The following CUX1 variants were observed in gnomAD, a reference collection of about 807,000 sequenced individuals.
CUX1 encodes cut like homeobox 1, also known as protein CASP.
A neutral mutation model predicts 158.8 loss-of-function variants in CUX1; 31 were observed. That is an observed-to-expected ratio of 0.20 (90% CI 0.15 to 0.26). The LOEUF is 0.26. CUX1 is among the 10% of genes least tolerant of loss of function. The pLI, the probability that CUX1 is intolerant of heterozygous loss-of-function variation, is 1.00. For synonymous variants in CUX1, 879 were observed against 862.1 expected (o/e 1.02, Z -0.34); for missense variants, 1,589 against 2,014.6 (o/e 0.79, Z 4.04).
At chr7:102,051,902 T>C (rs1823554659) in intron 3 of CUX1, among the ~76,000 whole-genome samples, 1 of 152,026 alleles carries the variant, frequency 6.6e-6, no homozygotes, top group Non-Finnish European at 1.5e-5. Context: ...CAGAACATTT[T>C]CGTCAGCTCA....
At position 102,250,324 on chromosome 7, in the gene CUX1, A is replaced by G. The variant is rs1339820278; in HGVS notation, c.*1282A>G. The G allele has an allele frequency of 1.0e-6, 1 of 985,352 alleles. No homozygotes were observed. Among genetic ancestry groups the G allele is most frequent in the Non-Finnish European group, 1.2e-6 (1 of 829,994 alleles). The allele number at this position is 985,352 out of a possible 1,614,324, so 61.0% of individuals were successfully genotyped here. A position where few individuals can be genotyped will look rare whatever the true frequency, so the allele number is the denominator to read the frequency against. On this transcript the variant is annotated 3_prime_UTR_variant, in exon 24 of 24. Transcript: ENST00000292535. The stretch of plus-strand genomic sequence containing the variant: ...CCAGGGCCAGACGGGCCCATCCCCA[A>G]GTAGATAGCAGTCTACGGATCTCTC...
chr7:102,106,084 T>TC (rs1554488329), intron 6 of CUX1, among the ~76,000 whole-genome samples: 2 of 121,144 alleles, frequency 1.7e-5, no homozygotes, highest in Admixed American at 8.0e-5. Flanking sequence ...TTTTTCTTTT[T>TC]TTTTTTTTTT....
At chr7:102,043,438 T>A (rs1822364735) in intron 3 of CUX1, among the ~76,000 whole-genome samples, 1 of 150,578 alleles carries the variant, frequency 6.6e-6, no homozygotes, top group African/African-American at 2.4e-5. Flanking sequence ...TTAACTATAG[T>A]CACCATGCTG....
At chr7:102,192,984 C>T (rs189619995) in intron 12 of CUX1, among the ~76,000 whole-genome samples, 1 of 152,248 alleles carries the variant, frequency 6.6e-6, no homozygotes, top group Admixed American at 6.5e-5. Flanking sequence ...CGGCCCTTTT[C>T]AGTGCCATTG....
At chr7:101,884,878 C>T (rs1267968679) in intron 1 of CUX1, among the ~76,000 whole-genome samples, 5 of 152,084 alleles carry the variant, frequency 3.3e-5, no homozygotes, top group Non-Finnish European at 7.4e-5. Context: ...CTGGAATCCC[C>T]GGCTCCAGTT....
intron 8 of CUX1, among the ~76,000 whole-genome samples, chr7:102,155,860 C>T (rs1789692412): frequency 1.3e-5 from 2 of 152,182 alleles, no homozygotes; most frequent in South Asian, 2.1e-4. Context: ...CCCTTCCCCA[C>T]TCCCTGCACC....
At chr7:102,066,180 T>A (rs887267336) in intron 3 of CUX1, among the ~76,000 whole-genome samples, 1 of 152,174 alleles carries the variant, frequency 6.6e-6, no homozygotes. Context: ...TCCCAGCTTC[T>A]GGTGGTTTCC....
chr7:101,996,586 T>G (rs1012397486), intron 2 of CUX1, among the ~76,000 whole-genome samples: 1 of 151,822 alleles, frequency 6.6e-6, no homozygotes, highest in African/African-American at 2.4e-5. Context: ...ATTCATGATC[T>G]AAAATGCAAA....
In CUX1 at chr7:102,253,370, CTACTT is replaced by C. The variant is rs1218352846; in HGVS notation, c.*4331_*4335del. On this transcript the variant is annotated 3_prime_UTR_variant, in exon 24 of 24. Coordinates refer to ENST00000292535, the MANE Select transcript of CUX1 (RefSeq NM_181552.4). Reference sequence around the variant, plus strand: ...AGAGATCGCTGTGGGCCTCGGCTGACTACTTTAAGATTATGCCACAGCCAGGCCCT... The same window carrying C: ...AGAGATCGCTGTGGGCCTCGGCTGACTAAGATTATGCCACAGCCAGGCCCT... The C allele has an allele frequency of 2.0e-6, 2 of 985,360 alleles. No individual in the cohort carries two copies. Among genetic ancestry groups the C allele is most frequent in the Non-Finnish European group, 2.4e-6 (2 of 829,958 alleles). The allele number at this position is 985,360 out of a possible 1,614,324, so 61.0% of individuals were successfully genotyped here.
chr7:102,014,165 C>T (rs910131120), intron 2 of CUX1, among the ~76,000 whole-genome samples: 1 of 152,180 alleles, frequency 6.6e-6, no homozygotes, highest in Non-Finnish European at 1.5e-5. Flanking sequence ...TCCTGGGCAG[C>T]AAGCTCACAA....
chr7:102,146,534 G>A (rs1471521457), intron 8 of CUX1, among the ~76,000 whole-genome samples: 1 of 152,180 alleles, frequency 6.6e-6, no homozygotes, highest in Non-Finnish European at 1.5e-5. Flanking sequence ...TTTTCTTCCC[G>A]TTTGGGATTG....
intron 1 of CUX1, among the ~76,000 whole-genome samples, chr7:101,909,479 G>A (rs548023210): frequency 1.3e-5 from 2 of 152,344 alleles, no homozygotes; most frequent in African/African-American, 2.4e-5. Context: ...TCCATTCATC[G>A]AAATGATTCT....
rs1344498706 is a variant in CUX1, at chr7:102,193,756, C to G, written c.1077-86C>G. On this transcript the variant is annotated intron_variant, in intron 12 of 23. Transcript: ENST00000292535. ...GGCAGAGGTTGCAGTGAGCCAATAT[C>G]GCGCCACTGCACTCTAGCCTGGGTG... 5 of 1,371,158 alleles carry G rather than the reference C, an allele frequency of 3.6e-6. No individual in the cohort carries two copies. The Admixed American group carries it at 9.9e-5, about 27-fold the overall frequency. The allele number at this position is 1,371,158 out of a possible 1,614,324, so 84.9% of individuals were successfully genotyped here. A position where few individuals can be genotyped will look rare whatever the true frequency, so the allele number is the denominator to read the frequency against.
At position 102,249,236 on chromosome 7, in the gene CUX1, G is replaced by C; in HGVS notation, c.*194G>C. 1.8e-6 allele frequency: 2 copies of C among 1,087,692 alleles called. No individual in the cohort carries two copies. Among genetic ancestry groups the C allele is most frequent in the Non-Finnish European group, 2.2e-6 (2 of 894,914 alleles). The allele number at this position is 1,087,692 out of a possible 1,614,324, so 67.4% of individuals were successfully genotyped here. Reference sequence around the variant, plus strand: ...CACCGACCCGAGGCCCAGATCCAAGGCCGCGGCCCAGACCCACTCTGCGGC... The same window carrying C: ...CACCGACCCGAGGCCCAGATCCAAGCCCGCGGCCCAGACCCACTCTGCGGC... On this transcript the variant is annotated 3_prime_UTR_variant, in exon 24 of 24. Coordinates refer to ENST00000292535, the MANE Select transcript of CUX1 (RefSeq NM_181552.4).
At chr7:101,965,646 G>T (rs1318460175) in intron 2 of CUX1, among the ~76,000 whole-genome samples, 1 of 151,950 alleles carries the variant, frequency 6.6e-6, no homozygotes, top group South Asian at 2.1e-4. Context: ...AGGAGATCGA[G>T]ACCATCCTGG....
At chr7:102,080,229 T>C (rs1827223603) in intron 4 of CUX1, among the ~76,000 whole-genome samples, 1 of 152,136 alleles carries the variant, frequency 6.6e-6, no homozygotes, top group Non-Finnish European at 1.5e-5. Flanking sequence ...GGACTCCTCC[T>C]CGGTGTGCTT....
intron 2 of CUX1, among the ~76,000 whole-genome samples, chr7:101,929,368 T>C (rs558202653): frequency 6.6e-6 from 1 of 152,308 alleles, no homozygotes; most frequent in East Asian, 1.9e-4. Flanking sequence ...TGGAAATGTT[T>C]GCTGCTGGAC....
intron 10 of CUX1, among the ~76,000 whole-genome samples, chr7:102,176,520 G>T (rs1330268742): frequency 2.1e-5 from 3 of 146,290 alleles, no homozygotes; most frequent in African/African-American, 7.6e-5. Context: ...CATCTGCCCT[G>T]CAGAAAATAT....
intron 8 of CUX1, among the ~76,000 whole-genome samples, chr7:102,116,168 C>A (rs1186654694): frequency 6.6e-6 from 1 of 152,122 alleles, no homozygotes; most frequent in African/African-American, 2.4e-5. Context: ...GTATGGGGTG[C>A]CGGCACTTAC....
Sources: allele counts gnomAD v4.1 joint callset (sites outside exome capture counted in the v4.1 genomes callset), GRCh38; gene constraint gnomAD v4.1.1; transcripts MANE v1.5; gene names NCBI Gene and HGNC (gene_info 2026-07-23, HGNC 2026-07-21).